CPT1C: variants seen among roughly 807,000 people sequenced by gnomAD.
CPT1C encodes the protein palmitoyl thioesterase CPT1C.
In CPT1C, 61 loss-of-function variants were observed where a neutral mutation model predicts 97.3. The observed-to-expected ratio is 0.63, with a 90% CI of 0.51 to 0.78. The LOEUF (loss-of-function observed/expected upper bound fraction) is 0.78, where lower values mean the gene tolerates loss of function less well. Ranked by LOEUF, CPT1C falls within the 30% of genes least tolerant of loss-of-function variation. The pLI is 0.00. For missense variants in CPT1C, 975 were observed against 1,065.5 expected, an observed-to-expected ratio of 0.92 and a Z score of 1.18; for synonymous variants, 469 against 447.2, an observed-to-expected ratio of 1.05 and a Z score of -0.61.
Position 49,708,770 on chromosome 19 carries a change from C to G in CPT1C, c.1497C>G (p.Gly499=). Residue 499 remains glycine, a synonymous_variant, in exon 14 of 20, where the codon GGC becomes GGG. Coordinates refer to ENST00000598293, the MANE Select transcript of CPT1C (RefSeq NM_001199753.2). Reference sequence around the variant, plus strand: ...TTCAGCTGGGCTACTCAACAGACGGCCACTGCAAGGGGCACCCGGACCCCA... The same window carrying G: ...TTCAGCTGGGCTACTCAACAGACGGGCACTGCAAGGGGCACCCGGACCCCA... ...ECFQLGYSTD[G]HCKGHPDPTL... is the part of the protein sequence containing the mutation. 6.2e-7 allele frequency: 1 copy of G among 1,614,026 alleles called. No homozygotes were observed.
In CPT1C at chr19:49,706,478, C is replaced by T; in HGVS notation, c.1343+65C>T. 1 of 1,343,304 alleles carries T rather than the reference C, an allele frequency of 7.4e-7. No individual in the cohort carries two copies. The highest frequency in any genetic ancestry group is 3.7e-5 in the Admixed American group (1 of 27,364). The allele number at this position is 1,343,304 out of a possible 1,614,324, so 83.2% of individuals were successfully genotyped here. ...CGAGAATCCAGTATCAGACCTAGGA[C>T]CCCTGACAGTAGACAGCCAGACCCT... On this transcript the variant is annotated intron_variant, in intron 12 of 19. Transcript: ENST00000598293. The surrounding 1 kb of genome is among the most constrained non-coding windows in gnomAD (Gnocchi z 4.8).
chr19:49,708,707 C>G lies in CPT1C; in HGVS notation c.1450-16C>G. ...ACAGGGAGGAAGGGACTCTAACAGC[C>G]TCTGTTTGCCCACAGTTCACTCTGG... On this transcript the variant is annotated splice_polypyrimidine_tract_variant and intron_variant, in intron 13 of 19. Transcript: ENST00000598293. 2 of 1,592,754 alleles carry G rather than the reference C, an allele frequency of 1.3e-6. No individual in the cohort carries two copies. The highest frequency in any genetic ancestry group is 1.7e-6 in the Non-Finnish European group (2 of 1,160,490).
Position 49,711,815 on chromosome 19 carries a change from C to A in CPT1C, c.1873C>A (p.Gln625Lys). The change falls in exon 17 of 20, where the codon CAG (glutamine) becomes AAG (lysine). Residue 625 changes from glutamine (Q) to lysine (K), a missense_variant. Coordinates refer to ENST00000598293, the MANE Select transcript of CPT1C (RefSeq NM_001199753.2). The part of the protein sequence containing the change: ...AMEDKEKTDP[Q>K]CLALFRVAVD... ...ACCTCCCTGGGGACTGCAGGACCCA[C>A]AGTGCCTCGCCCTGTTCCGCGTGGC... 6.2e-7 allele frequency: 1 copy of A among 1,610,772 alleles called. No homozygotes were observed. Among genetic ancestry groups the A allele is most frequent in the Non-Finnish European group, 8.5e-7 (1 of 1,178,840 alleles).
At chr19:49,705,662 A>T (rs534213864) in intron 10 of CPT1C, among the ~76,000 whole-genome samples, 1 of 152,172 alleles carries the variant, frequency 6.6e-6, no homozygotes, top group African/African-American at 2.4e-5. Flanking sequence ...CGGGAGCCTG[A>T]AGTGGAAGGA....
chr19:49,701,530 G>A lies in CPT1C; in HGVS notation c.589G>A (p.Glu197Lys), dbSNP rs749791796. The A allele has an allele frequency of 1.9e-6, 3 of 1,612,002 alleles. No homozygotes were observed. Among genetic ancestry groups the A allele is most frequent in the Non-Finnish European group, 2.5e-6 (3 of 1,178,780 alleles). ...GTCGGTCCGGCCCATCCTCTCCGAC[G>A]AGGACTTCGACTGGACCGCGGTCCT... is the stretch of plus-strand genomic sequence containing the variant. The part of the protein sequence containing the change: ...LESVRPILSD[E>K]DFDWTAVLAQ... The change falls in exon 7 of 20, where the codon GAG becomes AAG. Residue 197 changes from glutamate to lysine, a missense_variant. This residue lies in a region of CPT1C where 596 missense variants were observed against 603.1 expected (regional missense o/e 0.99). Transcript: ENST00000598293.
At chr19:49,702,823 G>A (rs2083260032) in intron 7 of CPT1C, among the ~76,000 whole-genome samples, 1 of 151,684 alleles carries the variant, frequency 6.6e-6, no homozygotes, top group Admixed American at 6.6e-5. Flanking sequence ...AGGCTGCAGA[G>A]GAAGCTACCG....
At chr19:49,695,896 C>T (rs945921464) in intron 3 of CPT1C, among the ~76,000 whole-genome samples, 3 of 150,012 alleles carry the variant, frequency 2.0e-5, no homozygotes, top group South Asian at 2.1e-4. Context: ...TTTGAGACAG[C>T]GTCTCACTCT....
intron 13 of CPT1C, 34 bp downstream of exon 13, chr19:49,707,657 C>T (rs753482116): frequency 7.2e-5 from 104 of 1,435,068 alleles, no homozygotes; most frequent in Non-Finnish European, 8.7e-5. Flanking sequence ...TTCTGGGGAC[C>T]CCTGCCCCAT....
At position 49,713,503 on chromosome 19, in the gene CPT1C, C is replaced by T. The variant is rs2084056948; in HGVS notation, c.2310C>T (p.Arg770=). ...SLFQAGQHFK[R]RFRGSGKENS... ...TCCAGGCGGGACAGCATTTTAAGCG[C>T]CGGTTCAGAGGGTCAGGGAAGGAGA... The change falls in exon 20 of 20, where the codon CGC becomes CGT. Residue 770 remains arginine, a synonymous_variant. Transcript: ENST00000598293. The T allele has an allele frequency of 1.9e-6, 3 of 1,614,106 alleles. No individual in the cohort carries two copies. The highest frequency in any genetic ancestry group is 2.2e-5 in the South Asian group (2 of 91,096).
At chr19:49,699,502 G>A (rs1474024078) in intron 4 of CPT1C, among the ~76,000 whole-genome samples, 3 of 136,202 alleles carry the variant, frequency 2.2e-5, no homozygotes, top group Admixed American at 7.8e-5. Flanking sequence ...TTCCTGGAAC[G>A]CTAGATTTAC....
Position 49,713,058 on chromosome 19 carries a change from A to T in CPT1C, c.2220A>T (p.Thr740=). The T allele has an allele frequency of 6.2e-7, 1 of 1,613,488 alleles. No homozygotes were observed. The highest frequency in any genetic ancestry group is 1.1e-5 in the South Asian group (1 of 91,076). ...ACATCTCCAGCAAAAAATCAAGCAC[A>T]AAAACGGTGAGACAAACGTGTATAC... The part of the protein sequence containing the change: ...TFHISSKKSS[T]KTDSHRLGQH... Residue 740 remains threonine (T), a synonymous_variant, in exon 19 of 20, where the codon ACA becomes ACT. Transcript: ENST00000598293.
At chr19:49,694,644 AAAG>A (rs957570463) in intron 3 of CPT1C, among the ~76,000 whole-genome samples, 1 of 150,958 alleles carries the variant, frequency 6.6e-6, no homozygotes, top group African/African-American at 2.4e-5. Flanking sequence ...AAAAAAAAAA[AAAG>A]GGGGTGGGAG....
chr19:49,701,564 A>G lies in CPT1C; in HGVS notation c.623A>G (p.Glu208Gly). Reference sequence around the variant, plus strand: ...GACTGGACCGCGGTCCTGGCGCAGGAATTCCTGAGGCTGCAGGCGTCGCTG... The same window carrying G: ...GACTGGACCGCGGTCCTGGCGCAGGGATTCCTGAGGCTGCAGGCGTCGCTG... The part of the protein sequence containing the change: ...DFDWTAVLAQ[E>G]FLRLQASLLQ... Residue 208 changes from glutamate (E) to glycine (G), a missense_variant, in exon 7 of 20, where the codon GAA becomes GGA. Physicochemically the swap from Glu to Gly is moderately conservative, Grantham distance 98. Coordinates refer to ENST00000598293, the MANE Select transcript of CPT1C (RefSeq NM_001199753.2). 2 of 1,611,396 alleles carry G rather than the reference A, an allele frequency of 1.2e-6. No individual in the cohort carries two copies. Among genetic ancestry groups the G allele is most frequent in the Non-Finnish European group, 8.5e-7 (1 of 1,178,686 alleles).
Position 49,712,801 on chromosome 19 carries a change from C to T in CPT1C, c.2085C>T (p.Asp695=), listed in dbSNP as rs779076891. 1 of 1,614,028 alleles carries T rather than the reference C, an allele frequency of 6.2e-7. No homozygotes were observed. The highest frequency in any genetic ancestry group is 8.5e-7 in the Non-Finnish European group (1 of 1,180,002). Residue 695 remains aspartate (D), a synonymous_variant, in exon 18 of 20, where the codon GAC becomes GAT. Coordinates refer to ENST00000598293, the MANE Select transcript of CPT1C (RefSeq NM_001199753.2). Reference sequence around the variant, plus strand: ...CTGTTCAGCAAATGCATCTGTTTGACGTCCACAATTACCCGGACTATGTTT... The same window carrying T: ...CTGTTCAGCAAATGCATCTGTTTGATGTCCACAATTACCCGGACTATGTTT... ...QIPVQQMHLF[D]VHNYPDYVSS... is the part of the protein sequence containing the mutation.
intron 13 of CPT1C, 99 bp from the exon 14 acceptor site, chr19:49,708,624 C>A: frequency 1.2e-6 from 1 of 834,130 alleles, no homozygotes; most frequent in Non-Finnish European, 2.1e-6. Context: ...TCAGGGACTG[C>A]CCCCTACCCG....
chr19:49,694,079 T>A lies in CPT1C; in HGVS notation c.141+1686T>A, dbSNP rs546493958. On this transcript the variant is annotated intron_variant, in intron 3 of 19. Coordinates refer to ENST00000598293, the MANE Select transcript of CPT1C (RefSeq NM_001199753.2). ...GACTCCGTCTCAAAAAAAAATAAAATAAAATAAAAAATAAATAAATAAATA... is the reference window on the plus strand; with the variant it reads ...GACTCCGTCTCAAAAAAAAATAAAAAAAAATAAAAAATAAATAAATAAATA... 1.4e-3 allele frequency among the ~76,000 whole-genome samples: 204 copies of A among 144,476 alleles called. 2 individuals are homozygous for A. The East Asian group carries it at 0.031, about 22-fold the overall frequency. 94.8% of individuals were successfully genotyped at this position (144,476 alleles called of 152,430 possible).
rs772907220 is a variant in CPT1C at position 49,708,851 on chromosome 19, T to C, written c.1566+12T>C. On this transcript the variant is annotated intron_variant, in intron 14 of 19. Transcript: ENST00000598293. ...ACCTTCCAGACCAGGTGAGGCTGGG[T>C]TTCTGGGCCTCTCCTCCAAGTCCCA... 5.2e-6 allele frequency: 8 copies of C among 1,526,736 alleles called. No individual in the cohort carries two copies. Among genetic ancestry groups the C allele is most frequent in the Non-Finnish European group, 7.3e-6 (8 of 1,102,788 alleles). The allele number at this position is 1,526,736 out of a possible 1,614,324, so 94.6% of individuals were successfully genotyped here. A position where few individuals can be genotyped will look rare whatever the true frequency, so the allele number is the denominator to read the frequency against.
At position 49,712,255 on chromosome 19, in the gene CPT1C, A is replaced by G. The variant is rs186975233; in HGVS notation, c.2019+294A>G. 7.8e-5 allele frequency: 31 copies of G among 395,390 alleles called. No individual in the cohort carries two copies. In the Admixed American group the frequency reaches 9.8e-4, roughly 12 times the overall value. The allele number at this position is 395,390 out of a possible 1,614,324, so 24.5% of individuals were successfully genotyped here. Reference sequence around the variant, plus strand: ...CTACTTGGGAGGGCTGAGGCAATAGAATCCCTTGAACCCGGGAGGCGGAGG... The same window carrying G: ...CTACTTGGGAGGGCTGAGGCAATAGGATCCCTTGAACCCGGGAGGCGGAGG... On this transcript the variant is annotated intron_variant, in intron 17 of 19. Coordinates refer to ENST00000598293, the MANE Select transcript of CPT1C (RefSeq NM_001199753.2).
intron 3 of CPT1C, among the ~76,000 whole-genome samples, 163 bp from the exon 4 acceptor site, chr19:49,697,163 G>A (rs1434036198): frequency 6.6e-6 from 1 of 152,158 alleles, no homozygotes; most frequent in Non-Finnish European, 1.5e-5. Context: ...ATTCTGGTCT[G>A]ACCTCGCTGA....
Sources: gnomAD v4.1 joint callset for allele counts (sites outside exome capture counted in the v4.1 genomes callset) on GRCh38, gnomAD v4.1.1 for gene constraint, gnomAD v4.1.1 regional missense constraint, Gnocchi (gnomAD v3.1) non-coding constraint, MANE v1.5 for transcripts, NCBI Gene and HGNC (gene_info 2026-07-23, HGNC 2026-07-21) for gene names.